PKLR: variants seen among roughly 807,000 people sequenced by gnomAD.
The protein encoded by PKLR is pyruvate kinase PKLR.
PKLR carries 38 observed loss-of-function variants against 53.6 expected under a neutral mutation model. That is an observed-to-expected ratio of 0.71 (90% CI 0.55 to 0.93). The LOEUF (loss-of-function observed/expected upper bound fraction) is 0.93. PKLR is among the 40% of genes least tolerant of loss of function. The pLI, the probability that PKLR is intolerant of heterozygous loss-of-function variation, is 0.00. For synonymous variants in PKLR, 328 were observed against 316.2 expected (o/e 1.04, Z -0.39); for missense variants, 702 against 787.3 (o/e 0.89, Z 1.30).
intron 10 of PKLR, 61 bp downstream of exon 10, chr1:155,291,695 C>T: frequency 6.7e-7 from 1 of 1,501,462 alleles, no homozygotes; most frequent in Non-Finnish European, 9.3e-7. Context: ...GTATGGGAAG[C>T]TGGGTTGGGG....
intron 5 of PKLR, among the ~76,000 whole-genome samples, 180 bp from the exon 6 acceptor site, chr1:155,294,932 C>G (rs571594074): frequency 5.9e-5 from 9 of 152,348 alleles, no homozygotes; most frequent in African/African-American, 1.7e-4. Context: ...AGAAACGACC[C>G]ACCCATAGTC....
In PKLR at chr1:155,295,852, A is replaced by G; in HGVS notation, c.284-96T>C. On this transcript the variant is annotated intron_variant, in intron 2 of 10. Transcript: ENST00000342741. The surrounding 1 kb of genome is among the most constrained non-coding windows in gnomAD (Gnocchi z 4.3). ...CCATTCTCAGAACGCCTCACGCCAC[A>G]GGCGTCCTGTTACCTGATCTTTATT... is the stretch of plus-strand genomic sequence containing the variant. 9.9e-7 allele frequency: 1 copy of G among 1,010,062 alleles called. No homozygotes were observed. Among genetic ancestry groups the G allele is most frequent in the Non-Finnish European group, 1.6e-6 (1 of 642,440 alleles). The allele number at this position is 1,010,062 out of a possible 1,614,324, so 62.6% of individuals were successfully genotyped here.
chr1:155,300,775 A>C (rs2148220023), intron 1 of PKLR: 122 of 1,347,154 alleles, frequency 9.1e-5, no homozygotes, highest in East Asian at 2.5e-5. Flanking sequence ...TGGCTTCCCC[A>C]CCCCATCCTC....
Position 155,291,778 on chromosome 1 carries a change from C to G in PKLR, c.1596G>C (p.Arg532=), listed in dbSNP as rs750305814. 4 of 1,613,776 alleles carry G rather than the reference C, an allele frequency of 2.5e-6. No homozygotes were observed. Among genetic ancestry groups the G allele is most frequent in the Non-Finnish European group, 3.4e-6 (4 of 1,179,942 alleles). Reference sequence around the variant, plus strand: ...CACCACTTTCAATGCCAAATTGCACCCGGCGATCTACATCATCTGCCCAGA... The same window carrying G: ...CACCACTTTCAATGCCAAATTGCACGCGGCGATCTACATCATCTGCCCAGA... ...EAIWADDVDR[R]VQFGIESGKL... The change falls in exon 10 of 11, where the codon CGG becomes CGC. Residue 532 remains arginine (R), a synonymous_variant. Transcript: ENST00000342741.
rs377254462 is a variant in PKLR, at chr1:155,291,741, G to A, written c.1618+15C>T. On this transcript the variant is annotated intron_variant, in intron 10 of 10. Transcript: ENST00000342741. ...ACAAATGGTAGGAGTGGCAGGGAAG[G>A]TCTAGGTAGCTCACCACTTTCAATG... 12 of 1,612,570 alleles carry A rather than the reference G, an allele frequency of 7.4e-6. No individual in the cohort carries two copies. The highest frequency in any genetic ancestry group is 3.3e-4 in the Middle Eastern group (2 of 6,056).
At position 155,295,292 on chromosome 1, in the gene PKLR, G is replaced by A; in HGVS notation, c.518C>T (p.Ser173Leu). Reference sequence around the variant, plus strand: ...GGAGCCCTTCACCAGCTCCACTTCCGACTCTGGACCCTAAGGAGGGAGCCA... The same window carrying A: ...GGAGCCCTTCACCAGCTCCACTTCCAACTCTGGACCCTAAGGAGGGAGCCA... Reference protein sequence around the residue: ...RTGILQGGPESEVELVKGSQV... With the variant: ...RTGILQGGPELEVELVKGSQV... Residue 173 changes from serine to leucine, a missense_variant, in exon 5 of 11, where the codon TCG (serine) becomes TTG (leucine). Ser to Leu is a moderately radical substitution (Grantham distance 145). This residue lies in a region of PKLR where 519 missense variants were observed against 537.1 expected (regional missense o/e 0.97). Transcript: ENST00000342741. This position sits in a 1 kb window ranked among gnomAD's most constrained non-coding sequence, Gnocchi z 4.3. The A allele has an allele frequency of 6.2e-7, 1 of 1,614,018 alleles. No individual in the cohort carries two copies. Among genetic ancestry groups the A allele is most frequent in the Non-Finnish European group, 8.5e-7 (1 of 1,179,980 alleles).
chr1:155,299,231 C>T (rs1647842086), intron 2 of PKLR, among the ~76,000 whole-genome samples: 1 of 147,202 alleles, frequency 6.8e-6, no homozygotes, highest in Non-Finnish European at 1.5e-5. Flanking sequence ...TCGTCTGTCA[C>T]CTAGGCTGGA....
upstream of PKLR, among the ~76,000 whole-genome samples, chr1:155,306,334 T>C (rs1469169280): frequency 6.6e-6 from 1 of 152,134 alleles, no homozygotes; most frequent in East Asian, 1.9e-4. This position sits in a 1 kb window ranked among gnomAD's most constrained non-coding sequence, Gnocchi z 4.2. Flanking sequence ...AGGTGGCTTT[T>C]CATTCCACAG....
At chr1:155,304,839 A>G (rs1648188983), upstream of PKLR, among the ~76,000 whole-genome samples, 1 of 152,244 alleles carries the variant, frequency 6.6e-6, no homozygotes, top group Non-Finnish European at 1.5e-5. Flanking sequence ...AACAGCATTC[A>G]TGCCTCATGG....
intron 2 of PKLR, among the ~76,000 whole-genome samples, chr1:155,298,211 T>C (rs1357832282): frequency 6.6e-6 from 1 of 152,100 alleles, no homozygotes. Context: ...AATTTTTGTA[T>C]TTTTATTAGA....
rs1026071464 is a variant in PKLR, at chr1:155,289,643, C to T, written c.*929G>A. Reference sequence around the variant, plus strand: ...CTGGGGAAGGGCAGGCCAGCCAGCACCTCTGCCTTCTCAGGGACAAGAGTA... The same window carrying T: ...CTGGGGAAGGGCAGGCCAGCCAGCATCTCTGCCTTCTCAGGGACAAGAGTA... On this transcript the variant is annotated 3_prime_UTR_variant, in exon 11 of 11. Coordinates refer to ENST00000342741, the MANE Select transcript of PKLR (RefSeq NM_000298.6). The T allele has an allele frequency of 3.3e-5, 5 of 152,458 alleles. No homozygotes were observed. Among genetic ancestry groups the T allele is most frequent in the African/African-American group, 1.2e-4 (5 of 41,428 alleles). The allele number at this position is 152,458 out of a possible 1,614,324, so 9.4% of individuals were successfully genotyped here.
intron 2 of PKLR, among the ~76,000 whole-genome samples, chr1:155,299,045 T>C (rs145786315): frequency 0.28 from 33,463 of 119,804 alleles, 5,942 homozygotes; most frequent in East Asian, 0.67. Flanking sequence ...TCTTTCTTTC[T>C]TTCTTTCCTT....
chr1:155,306,015 A>G (rs188799349), upstream of PKLR, among the ~76,000 whole-genome samples: 3 of 152,274 alleles, frequency 2.0e-5, no homozygotes, highest in African/African-American at 7.2e-5. The surrounding 1 kb of genome is among the most constrained non-coding windows in gnomAD (Gnocchi z 4.2). Context: ...CCCAGTCCCA[A>G]GGGATTAGCA....
At position 155,299,049 on chromosome 1, in the gene PKLR, TTTCCTTCC is replaced by T. The variant is rs71077995; in HGVS notation, c.283+1041_283+1048del. ...TTCTTTCTTTCTCTTTCTTTCTTTC[TTTCCTTCC>T]TTCCTTCCTTCCTTCTTTCTTTTCT... On this transcript the variant is annotated intron_variant, in intron 2 of 10. Coordinates refer to ENST00000342741, the MANE Select transcript of PKLR (RefSeq NM_000298.6). 5.1e-4 allele frequency among the ~76,000 whole-genome samples: 66 copies of T among 130,500 alleles called. 2 individuals are homozygous for T. The highest frequency in any genetic ancestry group is 4.8e-4 in the African/African-American group (16 of 33,084). 85.6% of individuals were successfully genotyped at this position (130,500 alleles called of 152,430 possible).
Position 155,293,590 on chromosome 1 carries a change from T to G in PKLR, c.1117A>C (p.Met373Leu). 6.2e-7 allele frequency: 1 copy of G among 1,614,114 alleles called. No homozygotes were observed. The highest frequency in any genetic ancestry group is 8.5e-7 in the Non-Finnish European group (1 of 1,180,008). The stretch of plus-strand genomic sequence containing the variant: ...GGCTTGGTAATCATGCTCTCCAGCA[T>G]CTGGGGGACAGCGTGGATGTCAAAG... ...AGKPVVCATQMLESMITKPRP... is the reference protein window; with the variant it reads ...AGKPVVCATQLLESMITKPRP... Residue 373 changes from methionine (M) to leucine (L), a missense_variant and splice_region_variant, in exon 8 of 11, where the codon ATG becomes CTG. Met to Leu is a conservative substitution (Grantham distance 15). This residue lies in a region of PKLR where 519 missense variants were observed against 537.1 expected (regional missense o/e 0.97). Transcript: ENST00000342741. This position sits in a 1 kb window ranked among gnomAD's most constrained non-coding sequence, Gnocchi z 4.2.
At chr1:155,292,009 C>T (rs2148199409) in intron 9 of PKLR, 72 bp from the exon 10 acceptor site, 2 of 1,444,866 alleles carry the variant, frequency 1.4e-6, no homozygotes, top group Middle Eastern at 2.4e-4. Flanking sequence ...ATCTTTGTTC[C>T]AGTTCCAGGT....
At chr1:155,292,631 C>T (rs570727064) in intron 9 of PKLR, among the ~76,000 whole-genome samples, 2 of 152,088 alleles carry the variant, frequency 1.3e-5, no homozygotes, top group South Asian at 2.1e-4. Context: ...AGCGAGCTGC[C>T]GTTCTCAAAA....
Position 155,290,611 on chromosome 1 carries a change from G to T in PKLR, c.1686C>A (p.Ser562=), listed in dbSNP as rs140859641. The stretch of plus-strand genomic sequence containing the variant: ...GCACCCGCATGATGTTGGTGTAGCC[G>T]GAGCCAGGTCGCCAGCCTGTCACCA... The part of the protein sequence containing the change: ...VIVVTGWRPG[S]GYTNIMRVLS... Residue 562 remains serine (S), a synonymous_variant, in exon 11 of 11, where the codon TCC becomes TCA. Coordinates refer to ENST00000342741, the MANE Select transcript of PKLR (RefSeq NM_000298.6). 1 of 1,613,334 alleles carries T rather than the reference G, an allele frequency of 6.2e-7. No individual in the cohort carries two copies. The highest frequency in any genetic ancestry group is 1.7e-5 in the Admixed American group (1 of 59,988).
intron 9 of PKLR, among the ~76,000 whole-genome samples, chr1:155,292,277 C>T (rs1647256800): frequency 6.6e-6 from 1 of 150,438 alleles, no homozygotes; most frequent in South Asian, 2.1e-4. Flanking sequence ...CTCCCTACCA[C>T]ACAAGAAAGA....
Sources: allele counts gnomAD v4.1 joint callset (sites outside exome capture counted in the v4.1 genomes callset), GRCh38; gene constraint gnomAD v4.1.1; regional missense constraint gnomAD v4.1.1; non-coding constraint Gnocchi (gnomAD v3.1); transcripts MANE v1.5; gene names NCBI Gene and HGNC (gene_info 2026-07-23, HGNC 2026-07-21).